The following LTF variants were observed in gnomAD, a reference collection of about 807,000 sequenced individuals.
LTF encodes epididymis luminal protein 110.
Under a neutral mutation model 87.2 loss-of-function variants are expected in LTF, and 91 were observed. That is an observed-to-expected ratio of 1.04 (90% CI 0.88 to 1.24). The LOEUF is 1.24. Ranked by LOEUF, LTF falls within the 50% of genes most tolerant of loss-of-function variation. The pLI is 0.00. For synonymous variants in LTF, 378 were observed against 356.1 expected (o/e 1.06, Z -0.69); for missense variants, 901 against 904.3 (o/e 1.00, Z 0.05).
At chr3:46,469,455 A>G (rs1323150250), upstream of LTF, 2 of 152,402 alleles carry the variant, frequency 1.3e-5, no homozygotes, top group South Asian at 4.1e-4. Context: ...ACCTGTTTCC[A>G]GCTGAGTGGA....
chr3:46,449,364 C>A (rs748708257), intron 8 of LTF, among the ~76,000 whole-genome samples: 2 of 152,162 alleles, frequency 1.3e-5, no homozygotes, highest in Admixed American at 6.5e-5. Flanking sequence ...GCCTAGGGGA[C>A]CTTGAGCCCA....
rs200628240 is a variant in LTF at position 46,450,672 on chromosome 3, C to T, written c.705G>A (p.Glu235=). The T allele has an allele frequency of 1.9e-6, 3 of 1,608,232 alleles. No individual in the cohort carries two copies. The highest frequency in any genetic ancestry group is 1.7e-6 in the Non-Finnish European group (2 of 1,174,960). ...VAFIRESTVF[E]DLSDEAERDE... Reference sequence around the variant, plus strand: ...CCCTTTCAGCCTCGTCTGACAGGTCCTCTGCAGGGAAGGTGAGGTGGGAGG... The same window carrying T: ...CCCTTTCAGCCTCGTCTGACAGGTCTTCTGCAGGGAAGGTGAGGTGGGAGG... Residue 235 remains glutamate, a splice_region_variant and synonymous_variant, in exon 7 of 17, where the codon GAG becomes GAA. Coordinates refer to ENST00000231751, the MANE Select transcript of LTF (RefSeq NM_002343.6).
At chr3:46,461,384 G>C (rs1220138651) in intron 1 of LTF, among the ~76,000 whole-genome samples, 2 of 152,196 alleles carry the variant, frequency 1.3e-5, no homozygotes, top group Non-Finnish European at 2.9e-5. Flanking sequence ...ATTTAGAATA[G>C]TAGAAAACTG....
intron 13 of LTF, 44 bp downstream of exon 13, chr3:46,443,397 A>T: frequency 6.2e-7 from 1 of 1,609,338 alleles, no homozygotes; most frequent in Non-Finnish European, 8.5e-7. Flanking sequence ...ATGCTGAGGG[A>T]TGAGGTAAGT....
chr3:46,451,407 C>T (rs1038060884), intron 6 of LTF, among the ~76,000 whole-genome samples: 2 of 152,254 alleles, frequency 1.3e-5, no homozygotes, highest in East Asian at 1.9e-4. Context: ...GAAGGTTTAC[C>T]AGTGTATTCC....
chr3:46,436,190 C>T lies in LTF; in HGVS notation c.*5G>A, dbSNP rs764625773. 1.3e-5 allele frequency: 21 copies of T among 1,614,006 alleles called. No homozygotes were observed. Among genetic ancestry groups the T allele is most frequent in the Middle Eastern group, 1.6e-4 (1 of 6,082 alleles). On this transcript the variant is annotated 3_prime_UTR_variant, in exon 17 of 17. Coordinates refer to ENST00000231751, the MANE Select transcript of LTF (RefSeq NM_002343.6). Reference sequence around the variant, plus strand: ...TCTTGGGGAGCTGGGCCATCTTCTTCGGTTTTACTTCCTGAGGAATTCACA... The same window carrying T: ...TCTTGGGGAGCTGGGCCATCTTCTTTGGTTTTACTTCCTGAGGAATTCACA...
In LTF at chr3:46,459,640, C is replaced by G; in HGVS notation, c.207+16G>C. ...CCATTCAGCTTGGTCCCAACCAACA[C>G]CCGGCATTGACTCACCGCAATGGCC... On this transcript the variant is annotated intron_variant, in intron 2 of 16. Transcript: ENST00000231751. 2.8e-6 allele frequency: 4 copies of G among 1,422,038 alleles called. No individual in the cohort carries two copies. Among genetic ancestry groups the G allele is most frequent in the Non-Finnish European group, 3.7e-6 (4 of 1,081,088 alleles). 88.1% of individuals were successfully genotyped at this position (1,422,038 alleles called of 1,614,324 possible).
chr3:46,472,832 C>T (rs1412719245), intron 1 of LTF, among the ~76,000 whole-genome samples: 1 of 152,156 alleles, frequency 6.6e-6, no homozygotes, highest in Non-Finnish European at 1.5e-5. Flanking sequence ...GAATTTGTCT[C>T]AGCTTGAATC....
At chr3:46,460,497 T>C (rs1703053374) in intron 1 of LTF, 1 of 448,720 alleles carries the variant, frequency 2.2e-6, no homozygotes, top group African/African-American at 2.0e-5. Flanking sequence ...TACTGGTTCT[T>C]CTTTTGAGCC....
rs1462869160 is a variant in LTF at position 46,457,352 on chromosome 3, ATTTAAG to A, written c.208-960_208-955del. ...TGAATAATTTCCCCCAATGTTTAGC[ATTTAAG>A]TTTATTTCTAACTGTTTCCTGTGAA... is the stretch of plus-strand genomic sequence containing the variant. On this transcript the variant is annotated intron_variant, in intron 2 of 16. Coordinates refer to ENST00000231751, the MANE Select transcript of LTF (RefSeq NM_002343.6). Among the ~76,000 whole-genome samples the A allele has an allele frequency of 3.9e-5, 6 of 152,334 alleles. No homozygotes were observed. In the South Asian group the frequency reaches 1.0e-3, roughly 26 times the overall value.
At chr3:46,465,088 C>A, upstream of LTF, 1 of 594,532 alleles carries the variant, frequency 1.7e-6, no homozygotes. Flanking sequence ...AGCCAGCCTG[C>A]ACCTCACCTG....
chr3:46,454,012 A>G lies in LTF; in HGVS notation c.703+293T>C, dbSNP rs571011493. 2.1e-5 allele frequency: 8 copies of G among 389,790 alleles called. No homozygotes were observed. The South Asian group carries it at 3.4e-4, about 17-fold the overall frequency. The allele number at this position is 389,790 out of a possible 1,614,324, so 24.1% of individuals were successfully genotyped here. A position where few individuals can be genotyped will look rare whatever the true frequency, so the allele number is the denominator to read the frequency against. The stretch of plus-strand genomic sequence containing the variant: ...CTATGAACCCAGAAACCGGAAACAC[A>G]AACCAGCACAATCTGTTCTGCATGA... On this transcript the variant is annotated intron_variant, in intron 6 of 16. Transcript: ENST00000231751.
chr3:46,441,195 G>C (rs1356163239), intron 14 of LTF, among the ~76,000 whole-genome samples: 1 of 152,122 alleles, frequency 6.6e-6, no homozygotes, highest in African/African-American at 2.4e-5. Flanking sequence ...GTGTGTGTGA[G>C]AGAAAGAGAG....
At chr3:46,459,972 T>A (rs1364408045) in intron 1 of LTF, among the ~76,000 whole-genome samples, 153 bp from the exon 2 acceptor site, 1 of 152,212 alleles carries the variant, frequency 6.6e-6, no homozygotes, top group East Asian at 1.9e-4. Flanking sequence ...TCTCCACAAG[T>A]GGAGGCATCT....
At chr3:46,482,617 A>AAAGAAAGAAAGAAAGAAAG (rs1559614696) in intron 1 of LTF, among the ~76,000 whole-genome samples, 1 of 41,682 alleles carries the variant, frequency 2.4e-5, no homozygotes, top group Non-Finnish European at 5.2e-5. Flanking sequence ...AAGAAGAAAG[A>AAAGAAAGAAAGAAAGAAAG]AAGAAAGAAA....
intron 2 of LTF, among the ~76,000 whole-genome samples, chr3:46,456,804 T>A (rs1702948781): frequency 6.6e-6 from 1 of 152,256 alleles, no homozygotes; most frequent in South Asian, 2.1e-4. Context: ...ACCATGTTCC[T>A]CCGCTTCAGC....
At chr3:46,450,971 C>A (rs897156255) in intron 6 of LTF, among the ~76,000 whole-genome samples, 1 of 152,162 alleles carries the variant, frequency 6.6e-6, no homozygotes, top group Non-Finnish European at 1.5e-5. Flanking sequence ...TCTGTTTCTG[C>A]GGCATCTCTG....
At chr3:46,482,603 A>G (rs2106931106) in intron 1 of LTF, among the ~76,000 whole-genome samples, 7 of 137,792 alleles carry the variant, frequency 5.1e-5, no homozygotes, top group African/African-American at 1.8e-4. Context: ...GAGAGAAAGA[A>G]AGAAAGAAGA....
chr3:46,449,996 G>A lies in LTF; in HGVS notation c.915C>T (p.Phe305=). ...EKFGKDKSPK[F]QLFGSPSGQK... ...GCCCACTAGGGGAGCCAAAGAGCTG[G>A]AATTTCGGTGACTTGTCCTTTCCAA... Residue 305 remains phenylalanine (F), a synonymous_variant, in exon 8 of 17, where the codon TTC becomes TTT. Transcript: ENST00000231751. 1 of 1,608,688 alleles carries A rather than the reference G, an allele frequency of 6.2e-7. No homozygotes were observed. Among genetic ancestry groups the A allele is most frequent in the Non-Finnish European group, 8.5e-7 (1 of 1,177,434 alleles).
Sources: allele counts gnomAD v4.1 joint callset (sites outside exome capture counted in the v4.1 genomes callset), GRCh38; gene constraint gnomAD v4.1.1; transcripts MANE v1.5; gene names NCBI Gene and HGNC (gene_info 2026-07-23, HGNC 2026-07-21).